PSMC2: variants seen among roughly 807,000 people sequenced by gnomAD.
PSMC2 encodes 26S proteasome regulatory subunit 7.
A neutral mutation model predicts 53.3 loss-of-function variants in PSMC2; 7 were observed. The observed-to-expected ratio is 0.13, with a 90% CI of 0.07 to 0.25. PSMC2 has a LOEUF of 0.25. Among genes scored for constraint, PSMC2 ranks in the 10% least tolerant of loss-of-function variants. The pLI is 1.00. For missense variants in PSMC2, 241 were observed against 544.0 expected (o/e 0.44, Z 5.54); for synonymous variants, 169 against 183.9 (o/e 0.92, Z 0.66).
intron 7 of PSMC2, 53 bp downstream of exon 7, chr7:103,363,492 G>A: frequency 1.3e-6 from 2 of 1,483,150 alleles, no homozygotes; most frequent in Non-Finnish European, 1.9e-6. Context: ...TGTCTTTTGT[G>A]TATTGAGCAC....
chr7:103,352,077 T>G (rs937722327), intron 1 of PSMC2, among the ~76,000 whole-genome samples: 3 of 151,938 alleles, frequency 2.0e-5, no homozygotes, highest in Non-Finnish European at 4.4e-5. Context: ...CTAGAATTTA[T>G]GGTCTACTTC....
chr7:103,355,427 G>A (rs1013225411), intron 3 of PSMC2, among the ~76,000 whole-genome samples: 2 of 152,110 alleles, frequency 1.3e-5, no homozygotes, highest in Admixed American at 1.3e-4. Flanking sequence ...TTCAGCTGGG[G>A]TGATTTTGCC....
Position 103,364,211 on chromosome 7 carries a change from A to G in PSMC2, c.660A>G (p.Thr220=), listed in dbSNP as rs376164420. The change falls in exon 8 of 12, where the codon ACA becomes ACG. Residue 220 remains threonine, a synonymous_variant. Transcript: ENST00000292644. The part of the protein sequence containing the change: ...KGVLLFGPPG[T]GKTLCARAVA... The stretch of plus-strand genomic sequence containing the variant: ...TGCTGCTCTTTGGTCCACCCGGTAC[A>G]GGCAAGACACTCTGTGCGCGGGCAG... 18 of 1,614,226 alleles carry G rather than the reference A, an allele frequency of 1.1e-5. No individual in the cohort carries two copies. Among genetic ancestry groups the G allele is most frequent in the Middle Eastern group, 1.6e-4 (1 of 6,062 alleles).
In PSMC2 at chr7:103,362,265, G is replaced by A. The variant is rs530662084; in HGVS notation, c.422+177G>A. On this transcript the variant is annotated intron_variant, in intron 5 of 11. Transcript: ENST00000292644. Reference sequence around the variant, plus strand: ...TGCATCTGCTTCCTAACTTCCCATCGGCTTCGCTGACTCCCCTACTCCCAC... The same window carrying A: ...TGCATCTGCTTCCTAACTTCCCATCAGCTTCGCTGACTCCCCTACTCCCAC... 20 of 1,413,340 alleles carry A rather than the reference G, an allele frequency of 1.4e-5. No homozygotes were observed. In the East Asian group the frequency reaches 1.6e-4, roughly 11 times the overall value. The allele number at this position is 1,413,340 out of a possible 1,614,324, so 87.5% of individuals were successfully genotyped here. A position where few individuals can be genotyped will look rare whatever the true frequency, so the allele number is the denominator to read the frequency against.
At position 103,369,227 on chromosome 7, in the gene PSMC2, C is replaced by T. The variant is rs1489283815; in HGVS notation, c.*1173C>T. On this transcript the variant is annotated 3_prime_UTR_variant, in exon 12 of 12. Coordinates refer to ENST00000292644, the MANE Select transcript of PSMC2 (RefSeq NM_002803.4). ...ATTCTTGATTTTTCATTTTTATGAA[C>T]TTGATCAGAAAAATTCATCTTTTTT... 6.6e-6 allele frequency: 1 copy of T among 152,102 alleles called. No homozygotes were observed. Among genetic ancestry groups the T allele is most frequent in the African/African-American group, 2.4e-5 (1 of 41,422 alleles). The allele number at this position is 152,102 out of a possible 1,614,324, so 9.4% of individuals were successfully genotyped here.
chr7:103,365,460 C>T (rs1486700546), intron 8 of PSMC2, among the ~76,000 whole-genome samples: 2 of 151,950 alleles, frequency 1.3e-5, no homozygotes, highest in Admixed American at 6.6e-5. Context: ...GGAGAAACCC[C>T]GTCTCCATTG....
chr7:103,357,915 T>G (rs565383029), intron 4 of PSMC2, among the ~76,000 whole-genome samples: 3 of 152,172 alleles, frequency 2.0e-5, no homozygotes, highest in Non-Finnish European at 4.4e-5. Context: ...TCTCTCGGTT[T>G]CATTTTCCTT....
Position 103,350,001 on chromosome 7 carries a change from T to C in PSMC2, c.70+2220T>C, listed in dbSNP as rs139829277. 6.3e-3 allele frequency among the ~76,000 whole-genome samples: 956 copies of C among 152,338 alleles called. 3 individuals carry two copies. Among genetic ancestry groups the C allele is most frequent in the Non-Finnish European group, 7.8e-3 (531 of 68,036 alleles). ...TCCATTTTCTGTTTTAATCCTGCCT[T>C]AGAGGAAGTGGTATCAATTTTTGTT... On this transcript the variant is annotated intron_variant, in intron 1 of 11. Coordinates refer to ENST00000292644, the MANE Select transcript of PSMC2 (RefSeq NM_002803.4).
chr7:103,357,776 C>T (rs557735790), intron 4 of PSMC2, among the ~76,000 whole-genome samples: 362 of 152,138 alleles, frequency 2.4e-3, no homozygotes, highest in Middle Eastern at 0.01. Context: ...CTTGTTTTTT[C>T]ATTTGCCTGG....
chr7:103,361,364 G>T (rs1042695992), intron 4 of PSMC2, among the ~76,000 whole-genome samples: 1 of 149,326 alleles, frequency 6.7e-6, no homozygotes, highest in Admixed American at 6.7e-5. Context: ...TACAAAATTA[G>T]CTAGGCATGG....
At position 103,353,934 on chromosome 7, in the gene PSMC2, G is replaced by A; in HGVS notation, c.84G>A (p.Gly28=). 6.2e-7 allele frequency: 1 copy of A among 1,603,048 alleles called. No homozygotes were observed. Among genetic ancestry groups the A allele is most frequent in the African/African-American group, 1.3e-5 (1 of 74,556 alleles). ...DDKPIRALDE[G]DIALLKTYGQ... ...CTCTTCTTTCAGCTCTGGATGAGGG[G>A]GATATTGCCTTGTTGAAAACTTATG... Residue 28 remains glycine, a synonymous_variant, in exon 2 of 12, where the codon GGG becomes GGA. Transcript: ENST00000292644.
upstream of PSMC2, chr7:103,347,536 A>C: frequency 4.7e-6 from 3 of 643,062 alleles, no homozygotes; most frequent in Non-Finnish European, 5.4e-6. Context: ...AATCAGTCCA[A>C]AAACCAGCGT....
At chr7:103,353,725 A>G (rs974807274) in intron 1 of PSMC2, among the ~76,000 whole-genome samples, 196 bp from the exon 2 acceptor site, 4 of 152,194 alleles carry the variant, frequency 2.6e-5, no homozygotes, top group Non-Finnish European at 5.9e-5. Flanking sequence ...TTAAAAACCT[A>G]TTTTCCTCCC....
chr7:103,360,466 C>A (rs1196626209), intron 4 of PSMC2, among the ~76,000 whole-genome samples: 4 of 152,036 alleles, frequency 2.6e-5, no homozygotes, highest in Non-Finnish European at 4.4e-5. Flanking sequence ...ACAAAGCATT[C>A]TTTTTTAGCC....
chr7:103,352,213 G>T (rs13223554), intron 1 of PSMC2, among the ~76,000 whole-genome samples: 2 of 19,440 alleles, frequency 1.0e-4, no homozygotes, highest in Non-Finnish European at 1.2e-4. Context: ...CTCATACTTA[G>T]TTAAAAAAAA....
At position 103,366,109 on chromosome 7, in the gene PSMC2, G is replaced by T. The variant is rs1424301674; in HGVS notation, c.790G>T (p.Ala264Ser). ...ARMVRELFEMARTKKACLIFF... is the reference protein window; with the variant it reads ...ARMVRELFEMSRTKKACLIFF... ...AATGGTTCGTGAACTCTTTGAAATG[G>T]CCAGAACAAAAAAAGCCTGCCTTAT... The change falls in exon 9 of 12, where the codon GCC becomes TCC. Residue 264 changes from alanine (A) to serine (S), a missense_variant. Ala to Ser is a moderately conservative substitution (Grantham distance 99). This residue lies in a region of PSMC2 where 26 missense variants were observed against 104.7 expected (regional missense o/e 0.25). Transcript: ENST00000292644. 1 of 1,613,704 alleles carries T rather than the reference G, an allele frequency of 6.2e-7. No homozygotes were observed. Among genetic ancestry groups the T allele is most frequent in the Non-Finnish European group, 8.5e-7 (1 of 1,179,896 alleles).
In PSMC2 at chr7:103,355,869, TGCAATA is replaced by T. The variant is rs1820003997; in HGVS notation, c.290+78_290+83del. ...CTTAATGTTAGAGTCTCAGGGATAA[TGCAATA>T]GTTCATAAATAATTTTGATTCCAAA... On this transcript the variant is annotated intron_variant, in intron 4 of 11. Transcript: ENST00000292644. The T allele has an allele frequency of 2.9e-5, 28 of 957,726 alleles. No homozygotes were observed. In the South Asian group the frequency reaches 4.6e-4, roughly 16 times the overall value. The allele number at this position is 957,726 out of a possible 1,614,324, so 59.3% of individuals were successfully genotyped here.
chr7:103,354,510 G>A (rs983556498), intron 2 of PSMC2, among the ~76,000 whole-genome samples: 1 of 151,504 alleles, frequency 6.6e-6, no homozygotes, highest in African/African-American at 2.4e-5. Flanking sequence ...CTGGGATTAT[G>A]AGCGCCCACC....
At chr7:103,351,293 A>G (rs1477086654) in intron 1 of PSMC2, among the ~76,000 whole-genome samples, 1 of 152,236 alleles carries the variant, frequency 6.6e-6, no homozygotes, top group Non-Finnish European at 1.5e-5. Context: ...AAGCAAAATC[A>G]GCAAAGAGAA....
Sources: allele counts gnomAD v4.1 joint callset (sites outside exome capture counted in the v4.1 genomes callset), GRCh38; gene constraint gnomAD v4.1.1; regional missense constraint gnomAD v4.1.1; transcripts MANE v1.5; gene names NCBI Gene and HGNC (gene_info 2026-07-23, HGNC 2026-07-21).